The following ANKRD28 variants were observed in gnomAD, a reference collection of about 807,000 sequenced individuals.
ANKRD28 encodes serine/threonine-protein phosphatase 6 regulatory ankyrin repeat subunit A.
Under a neutral mutation model 126.5 loss-of-function variants are expected in ANKRD28, and 44 were observed. The observed-to-expected ratio is 0.35, with a 90% CI of 0.27 to 0.45. The LOEUF is 0.45. Among genes scored for constraint, ANKRD28 ranks in the 20% least tolerant of loss-of-function variants. The pLI, the probability that ANKRD28 is intolerant of heterozygous loss-of-function variation, is 1.00. For missense variants in ANKRD28, 1,110 were observed against 1,316.6 expected, an observed-to-expected ratio of 0.84 and a Z score of 2.43; for synonymous variants, 442 against 468.5, an observed-to-expected ratio of 0.94 and a Z score of 0.73.
intron 14 of ANKRD28, among the ~76,000 whole-genome samples, chr3:15,698,193 T>A (rs1368974938): frequency 6.6e-6 from 1 of 152,210 alleles, no homozygotes; most frequent in Non-Finnish European, 1.5e-5. Flanking sequence ...TCAACAGCAC[T>A]TCATGCTAAA....
intron 1 of ANKRD28, among the ~76,000 whole-genome samples, chr3:15,848,076 C>T (rs538472586): frequency 1.3e-5 from 2 of 152,228 alleles, no homozygotes; most frequent in Non-Finnish European, 2.9e-5. Context: ...ACTTGATGCA[C>T]AATAAAATCA....
At position 15,711,288 on chromosome 3, in the gene ANKRD28, T is replaced by TA; in HGVS notation, c.1274-15dup. 1.3e-6 allele frequency: 2 copies of TA among 1,593,118 alleles called. No homozygotes were observed. Among genetic ancestry groups the TA allele is most frequent in the Non-Finnish European group, 8.6e-7 (1 of 1,163,408 alleles). ...CTATATCAAATCCTACAAGAATGAA[T>TA]ACATCTTATTTATAACAGACATATT... On this transcript the variant is annotated splice_polypyrimidine_tract_variant and intron_variant, in intron 11 of 27. Coordinates refer to ENST00000683139, the MANE Select transcript of ANKRD28 (RefSeq NM_001349278.2).
rs2060723836 is a variant in ANKRD28, at chr3:15,812,038, A to T, written c.28-16732T>A. Among the ~76,000 whole-genome samples the T allele has an allele frequency of 6.6e-6, 1 of 152,036 alleles. No homozygotes were observed. Among genetic ancestry groups the T allele is most frequent in the African/African-American group, 2.4e-5 (1 of 41,414 alleles). The stretch of plus-strand genomic sequence containing the variant: ...CGTGGTGGTACGCACCTGTAGTCCC[A>T]GCTACTCAGGAGGCTGAGGTCGGAG... On this transcript the variant is annotated intron_variant, in intron 1 of 27. Coordinates refer to the ANKRD28 transcript ENST00000399451. The surrounding 1 kb of genome is among the most constrained non-coding windows in gnomAD (Gnocchi z 4.1).
intron 6 of ANKRD28, chr3:15,732,790 A>T (rs1386117763): frequency 6.6e-6 from 1 of 152,270 alleles, no homozygotes; most frequent in African/African-American, 2.4e-5. Flanking sequence ...TGAGGGGAAG[A>T]AAGTTTATTT....
chr3:15,686,071 G>A lies in ANKRD28; in HGVS notation c.2100C>T (p.Tyr700=). Residue 700 remains tyrosine (Y), a synonymous_variant, in exon 20 of 28, where the codon TAC becomes TAT. Coordinates refer to ENST00000683139, the MANE Select transcript of ANKRD28 (RefSeq NM_001349278.2). The part of the protein sequence containing the change: ...SVLNGHTDCV[Y]SLLNKGANVD... Reference sequence around the variant, plus strand: ...CATTTGCTCCTTTGTTCAGCAATGAGTAAACACAGTCTGTGTGCCCGTTGA... The same window carrying A: ...CATTTGCTCCTTTGTTCAGCAATGAATAAACACAGTCTGTGTGCCCGTTGA... 4 of 1,613,754 alleles carry A rather than the reference G, an allele frequency of 2.5e-6. No individual in the cohort carries two copies. Among genetic ancestry groups the A allele is most frequent in the South Asian group, 1.1e-5 (1 of 90,976 alleles).
chr3:15,822,002 A>G (rs1344451202), intron 1 of ANKRD28, among the ~76,000 whole-genome samples: 1 of 152,186 alleles, frequency 6.6e-6, no homozygotes, highest in Non-Finnish European at 1.5e-5. Flanking sequence ...ATAAACATCT[A>G]AAGACCCAGG....
intron 1 of ANKRD28, among the ~76,000 whole-genome samples, chr3:15,828,990 C>A (rs1443544236): frequency 1.3e-5 from 2 of 152,158 alleles, no homozygotes; most frequent in African/African-American, 4.8e-5. Flanking sequence ...CCATACCCAG[C>A]AAGAGAGACA....
At chr3:15,705,728 G>A (rs1352936718) in intron 14 of ANKRD28, among the ~76,000 whole-genome samples, 3 of 152,110 alleles carry the variant, frequency 2.0e-5, no homozygotes, top group African/African-American at 4.8e-5. Flanking sequence ...TAGGCTGGGC[G>A]CAGTGGCTCA....
chr3:15,709,161 T>A (rs2071877858), intron 13 of ANKRD28, among the ~76,000 whole-genome samples: 1 of 152,112 alleles, frequency 6.6e-6, no homozygotes, highest in Non-Finnish European at 1.5e-5. Context: ...CTTAGTGGGA[T>A]GTGTGGATAT....
At position 15,669,855 on chromosome 3, in the gene ANKRD28, T is replaced by TA. The variant is rs2125566730; in HGVS notation, c.*414dup. 6.4e-6 allele frequency: 1 copy of TA among 157,414 alleles called. No individual in the cohort carries two copies. The highest frequency in any genetic ancestry group is 1.4e-5 in the Non-Finnish European group (1 of 70,906). 9.8% of individuals were successfully genotyped at this position (157,414 alleles called of 1,614,324 possible). On this transcript the variant is annotated 3_prime_UTR_variant, in exon 28 of 28. Coordinates refer to ENST00000683139, the MANE Select transcript of ANKRD28 (RefSeq NM_001349278.2). The stretch of plus-strand genomic sequence containing the variant: ...GTCCTTTTGCAATTTGCTGTGCACA[T>TA]AATGCCTACTGTACCAAACTTTTAT...
At position 15,670,134 on chromosome 3, in the gene ANKRD28, C is replaced by G. The variant is rs180720623; in HGVS notation, c.*136G>C. On this transcript the variant is annotated 3_prime_UTR_variant, in exon 28 of 28. Coordinates refer to ENST00000683139, the MANE Select transcript of ANKRD28 (RefSeq NM_001349278.2). ...CCTTTAAAACTCTTCCTCCTAATGC[C>G]ATCAGATCTCTTAACATTGGCTCAC... 14 of 960,788 alleles carry G rather than the reference C, an allele frequency of 1.5e-5. No homozygotes were observed. In the East Asian group the frequency reaches 3.2e-4, roughly 22 times the overall value. 59.5% of individuals were successfully genotyped at this position (960,788 alleles called of 1,614,324 possible). A position where few individuals can be genotyped will look rare whatever the true frequency, so the allele number is the denominator to read the frequency against.
rs2058521761 is a variant in ANKRD28 at position 15,762,224 on chromosome 3, A to AAAAAAAAAAAAAC, written c.280+4009_280+4010insGTTTTTTTTTTTT. Among the ~76,000 whole-genome samples the AAAAAAAAAAAAAC allele has an allele frequency of 2.4e-4, 26 of 107,680 alleles. 2 individuals are homozygous for AAAAAAAAAAAAAC. The highest frequency in any genetic ancestry group is 7.4e-4 in the African/African-American group (22 of 29,676). The allele number at this position is 107,680 out of a possible 152,430, so 70.6% of individuals were successfully genotyped here. A position where few individuals can be genotyped will look rare whatever the true frequency, so the allele number is the denominator to read the frequency against. ...AAAAAAAAAAAAAAACAAAACAAAA[A>AAAAAAAAAAAAAC]AAAAAAAACTCTCCTGGTTCCTTCC... On this transcript the variant is annotated intron_variant, in intron 3 of 27. Coordinates refer to ENST00000683139, the MANE Select transcript of ANKRD28 (RefSeq NM_001349278.2).
chr3:15,754,999 C>T (rs9849590), intron 3 of ANKRD28, among the ~76,000 whole-genome samples: 14,508 of 151,712 alleles, frequency 0.096, 2,103 homozygotes, highest in African/African-American at 0.31. Context: ...TGGGCGCCTG[C>T]AATCCAAGCT....
chr3:15,718,498 C>T (rs1032340691), intron 8 of ANKRD28, among the ~76,000 whole-genome samples: 1 of 152,166 alleles, frequency 6.6e-6, no homozygotes, highest in Non-Finnish European at 1.5e-5. Flanking sequence ...GACTGATTCT[C>T]AATTCTACAT....
At position 15,685,443 on chromosome 3, in the gene ANKRD28, T is replaced by G. The variant is rs565965777; in HGVS notation, c.2172A>C (p.Ala724=). The G allele has an allele frequency of 4.3e-6, 7 of 1,613,724 alleles. No individual in the cohort carries two copies. Among genetic ancestry groups the G allele is most frequent in the South Asian group, 1.1e-5 (1 of 91,078 alleles). The part of the protein sequence containing the change: ...KWGRTALHRG[A]VTGHEECVDA... ...CTACACATTCTTCATGGCCTGTAAC[T>G]GCCTGAAAGAAAATAATTTAAAGGT... The change falls in exon 21 of 28, where the codon GCA becomes GCC. Residue 724 remains alanine (A), a splice_region_variant and synonymous_variant. Transcript: ENST00000683139.
chr3:15,683,261 A>G (rs1459942994), intron 21 of ANKRD28, among the ~76,000 whole-genome samples: 4 of 152,198 alleles, frequency 2.6e-5, no homozygotes, highest in Non-Finnish European at 5.9e-5. Context: ...TTTTTACAGA[A>G]ACACAACTCA....
Position 15,843,772 on chromosome 3 carries a change from TAA to T in ANKRD28, c.27+15603_27+15604del, listed in dbSNP as rs35843528. Among the ~76,000 whole-genome samples the T allele has an allele frequency of 5.7e-3, 833 of 146,584 alleles. 7 individuals carry two copies. The highest frequency in any genetic ancestry group is 0.025 in the East Asian group (127 of 5,098). ...GTAGGCCAGTTTGAGCCAAAAATAA[TAA>T]AAAAAAAAAAGAGGCAGAAATCAAA... On this transcript the variant is annotated intron_variant, in intron 1 of 27. Transcript: ENST00000399451. This position sits in a 1 kb window ranked among gnomAD's most constrained non-coding sequence, Gnocchi z 5.2.
intron 6 of ANKRD28, among the ~76,000 whole-genome samples, chr3:15,726,815 ACT>A (rs1488766950): frequency 6.6e-6 from 1 of 152,206 alleles, no homozygotes; most frequent in East Asian, 1.9e-4. Context: ...GGACAGGCTG[ACT>A]CTCTTGTTAG....
At chr3:15,859,577 C>T (rs965882662) in exon 1 of ANKRD28, 4 of 257,590 alleles carry the variant, frequency 1.6e-5, no homozygotes, top group African/African-American at 2.8e-5. Flanking sequence ...GCCTCCCCGG[C>T]CGCCCGCCGC....
Sources: allele counts gnomAD v4.1 joint callset (sites outside exome capture counted in the v4.1 genomes callset), GRCh38; gene constraint gnomAD v4.1.1; non-coding constraint Gnocchi (gnomAD v3.1); transcripts MANE v1.5; gene names NCBI Gene and HGNC (gene_info 2026-07-23, HGNC 2026-07-21).